Variants in KCNJ6 observed in about 807,000 individuals in gnomAD.
KCNJ6 encodes the protein potassium inwardly rectifying channel subfamily J member 6, also known as G protein-activated inward rectifier potassium channel 2.
In KCNJ6, 9 loss-of-function variants were observed where a neutral mutation model predicts 34.2. The ratio of observed to expected loss-of-function variants is 0.26; its 90% CI spans 0.16 to 0.46. The LOEUF (loss-of-function observed/expected upper bound fraction) is 0.46, where lower values mean the gene tolerates loss of function less well. KCNJ6 is among the 20% of genes least tolerant of loss of function. The probability of loss-of-function intolerance (pLI) is 1.00; values close to 1 mark genes in which losing one functional copy is unlikely to be tolerated. For missense variants in KCNJ6, 236 were observed against 531.3 expected (o/e 0.44, Z 5.46); for synonymous variants, 196 against 207.1 (o/e 0.95, Z 0.46).
chr21:37,909,554 T>G (rs1453330013), intron 1 of KCNJ6, among the ~76,000 whole-genome samples: 3 of 152,054 alleles, frequency 2.0e-5, no homozygotes, highest in African/African-American at 7.2e-5. Context: ...TTAGTAGAGA[T>G]GGGGTTTTGC....
At chr21:37,662,037 T>G (rs902350206) in intron 3 of KCNJ6, among the ~76,000 whole-genome samples, 2 of 152,194 alleles carry the variant, frequency 1.3e-5, no homozygotes, top group African/African-American at 4.8e-5. Flanking sequence ...TTATAATAAC[T>G]ATCTAGAAGA....
chr21:37,711,272 C>T (rs545634589), intron 3 of KCNJ6, among the ~76,000 whole-genome samples: 21 of 152,352 alleles, frequency 1.4e-4, no homozygotes, highest in South Asian at 2.1e-4. Flanking sequence ...GGGACAACTC[C>T]GGTCTCCGGA....
At chr21:37,889,346 A>G (rs1305098696) in intron 1 of KCNJ6, among the ~76,000 whole-genome samples, 2 of 150,858 alleles carry the variant, frequency 1.3e-5, no homozygotes, top group Non-Finnish European at 3.0e-5. Context: ...ACGAGCCTCA[A>G]TGTTTGACAA....
At chr21:37,743,301 T>C (rs558093746) in intron 2 of KCNJ6, among the ~76,000 whole-genome samples, 1 of 151,806 alleles carries the variant, frequency 6.6e-6, no homozygotes, top group African/African-American at 2.4e-5. Flanking sequence ...CAATCATATG[T>C]ATGTATGTGT....
At chr21:37,651,195 G>C (rs2054431546) in intron 3 of KCNJ6, among the ~76,000 whole-genome samples, 1 of 152,216 alleles carries the variant, frequency 6.6e-6, no homozygotes, top group African/African-American at 2.4e-5. Context: ...CTACAGGGGG[G>C]TGGACAGAGA....
intron 2 of KCNJ6, among the ~76,000 whole-genome samples, chr21:37,716,454 TCTGC>T (rs1368592173): frequency 2.0e-5 from 3 of 151,554 alleles, no homozygotes; most frequent in Non-Finnish European, 4.4e-5. Flanking sequence ...ATCATAGCTC[TCTGC>T]AGCCTTGATC....
intron 2 of KCNJ6, among the ~76,000 whole-genome samples, chr21:37,832,809 T>C (rs1235665428): frequency 6.6e-6 from 1 of 151,982 alleles, no homozygotes; most frequent in African/African-American, 2.4e-5. Flanking sequence ...AACAAAGGTA[T>C]TTCTCTCCCT....
intron 2 of KCNJ6, among the ~76,000 whole-genome samples, chr21:37,748,409 G>C (rs1269175758): frequency 6.6e-6 from 1 of 152,198 alleles, no homozygotes; most frequent in East Asian, 1.9e-4. Flanking sequence ...GTAGGAGTGG[G>C]TGGGTGAGGA....
intron 2 of KCNJ6, among the ~76,000 whole-genome samples, chr21:37,790,365 C>A (rs913786006): frequency 6.6e-5 from 10 of 152,148 alleles, no homozygotes; most frequent in Non-Finnish European, 1.2e-4. Flanking sequence ...CGTTTACCAC[C>A]ACACAAAACT....
intron 2 of KCNJ6, among the ~76,000 whole-genome samples, chr21:37,832,563 G>T (rs895103462): frequency 6.6e-6 from 1 of 152,078 alleles, no homozygotes; most frequent in African/African-American, 2.4e-5. Flanking sequence ...TGGGACCCAG[G>T]CTTTGTCTTT....
At chr21:37,840,176 A>G (rs2055473329) in intron 2 of KCNJ6, among the ~76,000 whole-genome samples, 1 of 152,230 alleles carries the variant, frequency 6.6e-6, no homozygotes, top group East Asian at 1.9e-4. Context: ...CAAAACCTAA[A>G]TCATTACAAG....
At chr21:37,638,700 G>A (rs1482989786) in intron 3 of KCNJ6, among the ~76,000 whole-genome samples, 2 of 152,022 alleles carry the variant, frequency 1.3e-5, no homozygotes, top group African/African-American at 4.8e-5. Context: ...CCCAAATCTG[G>A]GGTCCTGGCT....
intron 3 of KCNJ6, among the ~76,000 whole-genome samples, chr21:37,676,903 G>T (rs1241970895): frequency 6.6e-6 from 1 of 152,326 alleles, no homozygotes; most frequent in East Asian, 1.9e-4. Context: ...CACTGGTGGA[G>T]ATTTCTAGTG....
At chr21:37,859,399 C>T (rs1601505043) in intron 1 of KCNJ6, among the ~76,000 whole-genome samples, 1 of 149,206 alleles carries the variant, frequency 6.7e-6, no homozygotes, top group Admixed American at 6.7e-5. Context: ...AAACTCATAA[C>T]AGTGGTTGTC....
At chr21:37,643,610 G>C (rs1171884775) in intron 3 of KCNJ6, among the ~76,000 whole-genome samples, 1 of 152,178 alleles carries the variant, frequency 6.6e-6, no homozygotes, top group East Asian at 1.9e-4. Flanking sequence ...TTGCAAACAA[G>C]CTCTGGACTA....
At chr21:37,893,195 T>C (rs1251091260) in intron 1 of KCNJ6, among the ~76,000 whole-genome samples, 1 of 150,894 alleles carries the variant, frequency 6.6e-6, no homozygotes, top group African/African-American at 2.4e-5. Flanking sequence ...GGGTACCCTT[T>C]TGAATGTTCC....
chr21:37,684,197 G>A (rs542092132), intron 3 of KCNJ6, among the ~76,000 whole-genome samples: 136 of 152,238 alleles, frequency 8.9e-4, no homozygotes, highest in Admixed American at 3.0e-3. Flanking sequence ...GGTTCCTCCT[G>A]AGGCTGTGAA....
At position 37,634,440 on chromosome 21, in the gene KCNJ6, C is replaced by T. The variant is rs542270756; in HGVS notation, c.947-8956G>A. 2.6e-5 allele frequency among the ~76,000 whole-genome samples: 4 copies of T among 152,274 alleles called. No homozygotes were observed. In the South Asian group the frequency reaches 6.2e-4, roughly 24 times the overall value. ...CTGTACAGCCTGCAGAATCAAGAAC[C>T]AAATGAACCTCTTTTCTTCATAAAT... On this transcript the variant is annotated intron_variant, in intron 3 of 3. Coordinates refer to ENST00000609713, the MANE Select transcript of KCNJ6 (RefSeq NM_002240.5).
At chr21:37,902,998 T>TC (rs1020035723) in intron 1 of KCNJ6, among the ~76,000 whole-genome samples, 1 of 152,314 alleles carries the variant, frequency 6.6e-6, no homozygotes. Flanking sequence ...CCATTTTTTT[T>TC]CCTCTCTCTT....
Sources: allele counts gnomAD v4.1 joint callset (sites outside exome capture counted in the v4.1 genomes callset), GRCh38; gene constraint gnomAD v4.1.1; transcripts MANE v1.5; gene names NCBI Gene and HGNC (gene_info 2026-07-23, HGNC 2026-07-21).